Variants in OR6P1 observed in about 807,000 individuals in gnomAD.
OR6P1 encodes the protein olfactory receptor 6P1.
OR6P1 carries 5 observed loss-of-function variants against 6.6 expected under a neutral mutation model. The ratio of observed to expected loss-of-function variants is 0.76; its 90% CI spans 0.40 to 1.60. The LOEUF is 1.60. OR6P1 is among the 40% of genes most tolerant of loss of function. The pLI is 0.02. For missense variants in OR6P1, 451 were observed against 383.0 expected (o/e 1.18, Z -1.48); for synonymous variants, 177 against 149.6 (o/e 1.18, Z -1.33).
chr1:158,561,323 G>T lies in OR6P1; in HGVS notation c.*1328C>A, dbSNP rs899206340. The T allele has an allele frequency of 9.9e-5, 15 of 152,222 alleles. No homozygotes were observed. The highest frequency in any genetic ancestry group is 3.6e-4 in the African/African-American group (15 of 41,566). 9.4% of individuals were successfully genotyped at this position (152,222 alleles called of 1,614,324 possible). A position where few individuals can be genotyped will look rare whatever the true frequency, so the allele number is the denominator to read the frequency against. Reference sequence around the variant, plus strand: ...TTCTAAGGCTATTTAGAAATTTTATGAAAACAAAACAACTTAAACTGTTTT... The same window carrying T: ...TTCTAAGGCTATTTAGAAATTTTATTAAAACAAAACAACTTAAACTGTTTT... On this transcript the variant is annotated 3_prime_UTR_variant, in exon 3 of 3. Transcript: ENST00000641540.
In OR6P1 at chr1:158,562,693, T is replaced by C. The variant is rs773936972; in HGVS notation, c.912A>G (p.Thr304=). 3.2e-6 allele frequency: 5 copies of C among 1,558,640 alleles called. No homozygotes were observed. The highest frequency in any genetic ancestry group is 4.3e-6 in the Non-Finnish European group (5 of 1,150,568). Residue 304 remains threonine (T), a synonymous_variant, in exon 3 of 3, where the codon ACA becomes ACG. Coordinates refer to ENST00000641540, the MANE Select transcript of OR6P1 (RefSeq NM_001160325.2). ...NKEVKEAFRK[T]VMGRCHYPRD... is the part of the protein sequence containing the mutation. ...TAGGATAGTGACATCTGCCCATCAC[T>C]GTCTTCCTGAAGGCCTCCTTCACCT...
At position 158,562,909 on chromosome 1, in the gene OR6P1, C is replaced by T. The variant is rs1460852713; in HGVS notation, c.696G>A (p.Arg232=). ...AAGTGGAAAAGGCTTTGTGGCGTCCCCTGGACGTAGGGATCCTCAGGATGG... is the reference window on the plus strand; with the variant it reads ...AAGTGGAAAAGGCTTTGTGGCGTCCTCTGGACGTAGGGATCCTCAGGATGG... ...IAAILRIPTS[R]GRHKAFSTCA... The change falls in exon 3 of 3, where the codon AGG becomes AGA. Residue 232 remains arginine, a synonymous_variant. Transcript: ENST00000641540. The T allele has an allele frequency of 3.2e-6, 5 of 1,551,860 alleles. No homozygotes were observed. The highest frequency in any genetic ancestry group is 2.0e-5 in the Admixed American group (1 of 50,994).
chr1:158,566,175 C>T (rs990528685), intron 2 of OR6P1, among the ~76,000 whole-genome samples: 6 of 152,138 alleles, frequency 3.9e-5, no homozygotes, highest in African/African-American at 1.4e-4. Context: ...GACACTTTCT[C>T]TAGCAGATCA....
chr1:158,565,427 A>G (rs1648073421), intron 2 of OR6P1, among the ~76,000 whole-genome samples: 1 of 152,166 alleles, frequency 6.6e-6, no homozygotes, highest in Admixed American at 6.5e-5. Context: ...CCAAAGTCAC[A>G]ATTCATGGTA....
chr1:158,562,664 T>C lies in OR6P1; in HGVS notation c.941A>G (p.Asp314Gly). 1 of 1,550,056 alleles carries C rather than the reference T, an allele frequency of 6.5e-7. No homozygotes were observed. The highest frequency in any genetic ancestry group is 8.7e-7 in the Non-Finnish European group (1 of 1,144,696). The change falls in exon 3 of 3, where the codon GAT becomes GGT. Residue 314 changes from aspartate (D) to glycine (G), a missense_variant. Asp to Gly is a moderately conservative substitution (Grantham distance 94). Coordinates refer to ENST00000641540, the MANE Select transcript of OR6P1 (RefSeq NM_001160325.2). ...ACCTGTTGTATATCAGTCCTGAACA[T>C]CCCTAGGATAGTGACATCTGCCCAT... is the stretch of plus-strand genomic sequence containing the variant. ...TVMGRCHYPR[D>G]VQD is the part of the protein sequence containing the mutation.
At position 158,566,867 on chromosome 1, in the gene OR6P1, T is replaced by C. The variant is rs2101718181; in HGVS notation, c.-117-9A>G. The C allele has an allele frequency of 6.6e-6, 1 of 152,146 alleles. No individual in the cohort carries two copies. The highest frequency in any genetic ancestry group is 6.5e-5 in the Admixed American group (1 of 15,282). The allele number at this position is 152,146 out of a possible 1,614,324, so 9.4% of individuals were successfully genotyped here. A position where few individuals can be genotyped will look rare whatever the true frequency, so the allele number is the denominator to read the frequency against. On this transcript the variant is annotated splice_polypyrimidine_tract_variant and intron_variant, in intron 1 of 2. Transcript: ENST00000641540. ...CAGCGTCAACAGGCAACCTACAGAATGGGAGAAAATTTTTGCAATCCACTC... is the reference window on the plus strand; with the variant it reads ...CAGCGTCAACAGGCAACCTACAGAACGGGAGAAAATTTTTGCAATCCACTC...
intron 2 of OR6P1, among the ~76,000 whole-genome samples, chr1:158,565,639 T>A (rs1648077990): frequency 6.6e-6 from 1 of 152,188 alleles, no homozygotes; most frequent in Non-Finnish European, 1.5e-5. Context: ...CAAAAATTTT[T>A]AAATTTACTG....
At chr1:158,565,990 A>G (rs1472126866) in intron 2 of OR6P1, among the ~76,000 whole-genome samples, 1 of 152,230 alleles carries the variant, frequency 6.6e-6, no homozygotes, top group African/African-American at 2.4e-5. Flanking sequence ...TGAAAGAAAT[A>G]GATTGCAAAC....
intron 2 of OR6P1, among the ~76,000 whole-genome samples, chr1:158,564,003 T>C (rs1191901407): frequency 6.6e-6 from 1 of 152,142 alleles, no homozygotes; most frequent in Non-Finnish European, 1.5e-5. Flanking sequence ...TAAAAGAAAG[T>C]GTGACAGCAA....
rs1476554939 is a variant in OR6P1 at position 158,561,909 on chromosome 1, A to G, written c.*742T>C. The G allele has an allele frequency of 6.6e-6, 1 of 152,288 alleles. No individual in the cohort carries two copies. Among genetic ancestry groups the G allele is most frequent in the Admixed American group, 6.5e-5 (1 of 15,292 alleles). 9.4% of individuals were successfully genotyped at this position (152,288 alleles called of 1,614,324 possible). ...GGCCATAGCGAAGGAGAAGATCTGT[A>G]TATAAGCTTTCTAGAACATTTTACC... is the stretch of plus-strand genomic sequence containing the variant. On this transcript the variant is annotated 3_prime_UTR_variant, in exon 3 of 3. Transcript: ENST00000641540.
At chr1:158,570,320 C>T (rs969417099) in intron 1 of OR6P1, 122 bp downstream of exon 1, 7 of 152,128 alleles carry the variant, frequency 4.6e-5, no homozygotes, top group Admixed American at 2.0e-4. Flanking sequence ...CTGAGATGTT[C>T]GAATGATTAA....
At chr1:158,567,357 C>A (rs1373655879) in intron 1 of OR6P1, among the ~76,000 whole-genome samples, 10 of 151,050 alleles carry the variant, frequency 6.6e-5, no homozygotes, top group Admixed American at 4.6e-4. Flanking sequence ...GTGTTTATTG[C>A]GGCACTATTC....
chr1:158,566,708 A>G (rs1304900773), intron 2 of OR6P1, 56 bp downstream of exon 2: 1 of 152,184 alleles, frequency 6.6e-6, no homozygotes, highest in South Asian at 2.1e-4. Context: ...CTAAAGGAAA[A>G]CTAGGGTTCT....
In OR6P1 at chr1:158,562,927, C is replaced by T. The variant is rs1291509461; in HGVS notation, c.678G>A (p.Leu226=). The change falls in exon 3 of 3, where the codon CTG becomes CTA. Residue 226 remains leucine, a synonymous_variant. Coordinates refer to ENST00000641540, the MANE Select transcript of OR6P1 (RefSeq NM_001160325.2). ...SSYTAIIAAI[L]RIPTSRGRHK... ...GGCGTCCCCTGGACGTAGGGATCCT[C>T]AGGATGGCTGCAATGATGGCAGTGT... The T allele has an allele frequency of 6.4e-7, 1 of 1,551,788 alleles. No individual in the cohort carries two copies. The highest frequency in any genetic ancestry group is 2.4e-5 in the East Asian group (1 of 40,918).
chr1:158,570,296 A>T (rs1005782771), intron 1 of OR6P1, 146 bp downstream of exon 1: 3 of 152,264 alleles, frequency 2.0e-5, no homozygotes, highest in Non-Finnish European at 4.4e-5. Context: ...GATTAAAATG[A>T]CAGGGTACTC....
At position 158,567,628 on chromosome 1, in the gene OR6P1, A is replaced by C. The variant is rs1316658389; in HGVS notation, c.-117-770T>G. Among the ~76,000 whole-genome samples the C allele has an allele frequency of 2.5e-5, 3 of 120,692 alleles. No individual in the cohort carries two copies. The East Asian group carries it at 8.7e-4, about 35-fold the overall frequency. 79.2% of individuals were successfully genotyped at this position (120,692 alleles called of 152,430 possible). ...ATGGACACAGGAAGGGGAACATCAC[A>C]CTCTGGGGACTGTTGTGGGTTGGGG... is the stretch of plus-strand genomic sequence containing the variant. On this transcript the variant is annotated intron_variant, in intron 1 of 2. Coordinates refer to ENST00000641540, the MANE Select transcript of OR6P1 (RefSeq NM_001160325.2).
At chr1:158,565,625 T>A (rs1648077756) in intron 2 of OR6P1, among the ~76,000 whole-genome samples, 1 of 152,128 alleles carries the variant, frequency 6.6e-6, no homozygotes, top group African/African-American at 2.4e-5. Context: ...AAAAATACAT[T>A]GGACAAAAAT....
At chr1:158,568,728 G>C (rs915178555) in intron 1 of OR6P1, among the ~76,000 whole-genome samples, 5 of 152,040 alleles carry the variant, frequency 3.3e-5, no homozygotes, top group African/African-American at 9.7e-5. Context: ...ACACCACTCT[G>C]TTATTTTACC....
chr1:158,569,052 A>T (rs372004886), intron 1 of OR6P1, among the ~76,000 whole-genome samples: 1 of 152,180 alleles, frequency 6.6e-6, no homozygotes, highest in East Asian at 1.9e-4. Flanking sequence ...TCAGGGGTGG[A>T]ATGTCGAACC....
Sources: gnomAD v4.1 joint callset for allele counts (sites outside exome capture counted in the v4.1 genomes callset) on GRCh38, gnomAD v4.1.1 for gene constraint, MANE v1.5 for transcripts, NCBI Gene and HGNC (gene_info 2026-07-23, HGNC 2026-07-21) for gene names.